Variants in RCOR1 observed in about 807,000 individuals in gnomAD.
RCOR1 encodes the protein REST corepressor 1, also known as REST corepressor.
A neutral mutation model predicts 64.0 loss-of-function variants in RCOR1; 12 were observed. The ratio of observed to expected loss-of-function variants is 0.19; its 90% CI spans 0.12 to 0.30. RCOR1 has a LOEUF of 0.30. Among genes scored for constraint, RCOR1 ranks in the 10% least tolerant of loss-of-function variants. The pLI, the probability that RCOR1 is intolerant of heterozygous loss-of-function variation, is 1.00. For missense variants in RCOR1, 502 were observed against 621.2 expected (o/e 0.81, Z 2.04); for synonymous variants, 279 against 227.2 (o/e 1.23, Z -2.05).
intron 4 of RCOR1, among the ~76,000 whole-genome samples, chr14:102,705,042 C>T (rs531345754): frequency 5.3e-5 from 8 of 152,044 alleles, no homozygotes; most frequent in South Asian, 2.1e-4. Flanking sequence ...GGGAGGATCG[C>T]GTGAGCCTAG....
rs1893978510 is a variant in RCOR1, at chr14:102,626,203, TCTC to T, written c.361+32884_361+32886del. Among the ~76,000 whole-genome samples the T allele has an allele frequency of 2.6e-5, 4 of 152,314 alleles. No homozygotes were observed. In the East Asian group the frequency reaches 5.8e-4, roughly 22 times the overall value. Reference sequence around the variant, plus strand: ...AAATTCCAGTCATTAGAACACAACCTCTCCTCCTATTCCTTTGTCTTCTTGTTT... The same window carrying T: ...AAATTCCAGTCATTAGAACACAACCTCTCCTATTCCTTTGTCTTCTTGTTT... On this transcript the variant is annotated intron_variant, in intron 2 of 11. Transcript: ENST00000262241.
intron 7 of RCOR1, among the ~76,000 whole-genome samples, chr14:102,712,149 C>T (rs1895974270): frequency 6.6e-6 from 1 of 152,046 alleles, no homozygotes; most frequent in Non-Finnish European, 1.5e-5. Context: ...GCTGGGATAA[C>T]AGGCATGAGC....
intron 2 of RCOR1, among the ~76,000 whole-genome samples, chr14:102,676,567 C>A (rs1895163976): frequency 1.2e-5 from 1 of 81,194 alleles, no homozygotes; most frequent in Non-Finnish European, 2.5e-5. Flanking sequence ...TCCTCACTTC[C>A]CAGTAGGGGC....
At position 102,726,449 on chromosome 14, in the gene RCOR1, T is replaced by C; in HGVS notation, c.1420-19T>C. 6.3e-7 allele frequency: 1 copy of C among 1,576,006 alleles called. No individual in the cohort carries two copies. Among genetic ancestry groups the C allele is most frequent in the Non-Finnish European group, 8.5e-7 (1 of 1,171,964 alleles). ...CTACTCTTTGATCCTTTTTTTTTTT[T>C]TTTTCCTCTTGGCCTCAGGCTCCTG... is the stretch of plus-strand genomic sequence containing the variant. On this transcript the variant is annotated intron_variant, in intron 11 of 11. Coordinates refer to ENST00000262241, the MANE Select transcript of RCOR1 (RefSeq NM_015156.4).
At chr14:102,713,858 C>G (rs1246745777) in intron 7 of RCOR1, among the ~76,000 whole-genome samples, 2 of 152,162 alleles carry the variant, frequency 1.3e-5, no homozygotes, top group African/African-American at 2.4e-5. Flanking sequence ...ATAAAAACTT[C>G]TTGTTCTTAA....
intron 3 of RCOR1, chr14:102,695,416 A>G (rs1895624388): frequency 2.0e-5 from 3 of 152,218 alleles, no homozygotes; most frequent in South Asian, 2.1e-4. Flanking sequence ...AGTTATCTCA[A>G]CTGATTCTTC....
chr14:102,621,130 C>T (rs1567410847), intron 2 of RCOR1, among the ~76,000 whole-genome samples: 1 of 152,138 alleles, frequency 6.6e-6, no homozygotes, highest in Non-Finnish European at 1.5e-5. Flanking sequence ...CCACCATGCC[C>T]AGCTAGTTTT....
At chr14:102,711,153 C>A in intron 7 of RCOR1, 140 bp downstream of exon 7, 1 of 608,590 alleles carries the variant, frequency 1.6e-6, no homozygotes, top group Non-Finnish European at 2.9e-6. Flanking sequence ...TTCAACAATA[C>A]TGTCTTTGCT....
chr14:102,721,777 A>G (rs980142548), intron 10 of RCOR1, among the ~76,000 whole-genome samples: 5 of 152,078 alleles, frequency 3.3e-5, no homozygotes, highest in African/African-American at 1.2e-4. Flanking sequence ...TGAGTCTTCT[A>G]AAGGTGTATT....
At chr14:102,653,992 T>TCTTTGTTTC (rs1567423519) in intron 2 of RCOR1, among the ~76,000 whole-genome samples, 1 of 120,616 alleles carries the variant, frequency 8.3e-6, no homozygotes, top group African/African-American at 3.6e-5. Context: ...TCTTTTTTTT[T>TCTTTGTTTC]TTTTTTTTTT....
At chr14:102,614,381 T>C (rs1893705359) in intron 2 of RCOR1, among the ~76,000 whole-genome samples, 1 of 151,792 alleles carries the variant, frequency 6.6e-6, no homozygotes, top group African/African-American at 2.4e-5. Flanking sequence ...CCCGCCACCA[T>C]GCCCGGCTAA....
chr14:102,645,215 G>A (rs1894456463), intron 2 of RCOR1, among the ~76,000 whole-genome samples: 1 of 152,122 alleles, frequency 6.6e-6, no homozygotes, highest in Non-Finnish European at 1.5e-5. Context: ...TGATGGAGAG[G>A]ATCTTAAAAT....
intron 2 of RCOR1, among the ~76,000 whole-genome samples, chr14:102,653,036 G>A (rs1376384594): frequency 2.6e-5 from 4 of 152,140 alleles, no homozygotes; most frequent in East Asian, 1.9e-4. Context: ...GGGTTCAAGC[G>A]ATTCTCCTGC....
At chr14:102,658,251 A>T (rs1189560794) in intron 2 of RCOR1, among the ~76,000 whole-genome samples, 1 of 152,144 alleles carries the variant, frequency 6.6e-6, no homozygotes, top group South Asian at 2.1e-4. Context: ...TTGGGGTTAC[A>T]GGTGTGAGCC....
intron 2 of RCOR1, among the ~76,000 whole-genome samples, chr14:102,597,490 G>A (rs1302001757): frequency 2.0e-5 from 3 of 150,920 alleles, no homozygotes; most frequent in African/African-American, 4.9e-5. Context: ...CACCACACCC[G>A]GCTAGTTTTT....
chr14:102,658,334 C>A, intron 2 of RCOR1: 2 of 189,066 alleles, frequency 1.1e-5, no homozygotes, highest in Non-Finnish European at 2.0e-5. Flanking sequence ...ATGTGTGAGA[C>A]CAGGCACGGT....
At chr14:102,621,854 C>G (rs1595198205) in intron 2 of RCOR1, among the ~76,000 whole-genome samples, 1 of 152,104 alleles carries the variant, frequency 6.6e-6, no homozygotes, top group Non-Finnish European at 1.5e-5. Flanking sequence ...GGTCTCTGAT[C>G]TTGTTTGTAG....
At chr14:102,715,671 T>C (rs1010757083) in intron 8 of RCOR1, among the ~76,000 whole-genome samples, 1 of 152,188 alleles carries the variant, frequency 6.6e-6, no homozygotes, top group Admixed American at 6.5e-5. Flanking sequence ...AGGTGTGAGC[T>C]ACCACACTCG....
At chr14:102,636,013 A>G in intron 2 of RCOR1, among the ~76,000 whole-genome samples, 1 of 150,100 alleles carries the variant, frequency 6.7e-6, no homozygotes, top group East Asian at 2.0e-4. Flanking sequence ...CACCACTGCA[A>G]CCTCCGCCTC....
Sources: gnomAD v4.1 joint callset for allele counts (sites outside exome capture counted in the v4.1 genomes callset) on GRCh38, gnomAD v4.1.1 for gene constraint, MANE v1.5 for transcripts, NCBI Gene and HGNC (gene_info 2026-07-23, HGNC 2026-07-21) for gene names.